ARL15: variants seen among roughly 807,000 people sequenced by gnomAD.
ARL15 encodes ARF like GTPase 15, also known as ADP-ribosylation factor-like protein 15.
In ARL15, 19 loss-of-function variants were observed where a neutral mutation model predicts 25.2. The ratio of observed to expected loss-of-function variants is 0.75; its 90% CI spans 0.53 to 1.10. The LOEUF (loss-of-function observed/expected upper bound fraction) is 1.10. Ranked by LOEUF, ARL15 falls within the 50% of genes least tolerant of loss-of-function variation. ARL15 has a pLI of 0.00. For synonymous variants in ARL15, 94 were observed against 86.8 expected (o/e 1.08, Z -0.46); for missense variants, 220 against 246.0 (o/e 0.89, Z 0.71).
At chr5:54,255,720 T>C (rs974457633) in intron 1 of ARL15, among the ~76,000 whole-genome samples, 7 of 152,198 alleles carry the variant, frequency 4.6e-5, no homozygotes, top group African/African-American at 1.7e-4. Context: ...CAAAACTTTG[T>C]TTCATGAATG....
intron 1 of ARL15, among the ~76,000 whole-genome samples, chr5:54,287,808 G>A (rs1229498855): frequency 2.0e-5 from 3 of 152,156 alleles, no homozygotes; most frequent in African/African-American, 7.2e-5. Flanking sequence ...CCACAAGCAA[G>A]ATGCCACAGC....
chr5:54,104,855 T>C (rs925620939), intron 4 of ARL15, among the ~76,000 whole-genome samples: 1 of 152,022 alleles, frequency 6.6e-6, no homozygotes, highest in Non-Finnish European at 1.5e-5. Flanking sequence ...GGAAGTTTTG[T>C]TTCTGTTTTT....
chr5:54,230,763 T>C (rs1756650515), intron 1 of ARL15, among the ~76,000 whole-genome samples: 1 of 152,190 alleles, frequency 6.6e-6, no homozygotes, highest in African/African-American at 2.4e-5. Flanking sequence ...CATCCAGCAT[T>C]TTCCCTTAGA....
intron 1 of ARL15, among the ~76,000 whole-genome samples, chr5:54,209,931 T>C (rs1755989153): frequency 6.6e-6 from 1 of 152,170 alleles, no homozygotes. Context: ...AATATAAAGA[T>C]ACACAGTGAC....
At chr5:54,268,754 A>G (rs1757696793) in intron 1 of ARL15, among the ~76,000 whole-genome samples, 1 of 152,196 alleles carries the variant, frequency 6.6e-6, no homozygotes, top group Non-Finnish European at 1.5e-5. Context: ...TCATGCTGCT[A>G]TAAAGACACA....
At chr5:54,061,012 T>C (rs1751045472) in intron 4 of ARL15, among the ~76,000 whole-genome samples, 1 of 152,204 alleles carries the variant, frequency 6.6e-6, no homozygotes, top group Non-Finnish European at 1.5e-5. Context: ...ACATAAGTAA[T>C]GAGGAGCCAA....
intron 4 of ARL15, among the ~76,000 whole-genome samples, chr5:53,997,025 A>C (rs1748700486): frequency 6.6e-6 from 1 of 152,214 alleles, no homozygotes; most frequent in Non-Finnish European, 1.5e-5. Flanking sequence ...TCGTACAGCA[A>C]GATCTCTTTC....
chr5:54,140,894 A>G (rs2112309436), intron 3 of ARL15, among the ~76,000 whole-genome samples: 1 of 152,270 alleles, frequency 6.6e-6, no homozygotes, highest in East Asian at 1.9e-4. Flanking sequence ...ATGCTAATAT[A>G]TTTTGGAAGC....
At chr5:53,952,155 C>T (rs769915023) in intron 4 of ARL15, among the ~76,000 whole-genome samples, 1 of 151,816 alleles carries the variant, frequency 6.6e-6, no homozygotes, top group Admixed American at 6.6e-5. Flanking sequence ...CCCAGCTACT[C>T]GGGAGGCTAA....
chr5:54,229,842 C>T (rs920767678), intron 1 of ARL15, among the ~76,000 whole-genome samples: 6 of 152,134 alleles, frequency 3.9e-5, no homozygotes, highest in African/African-American at 1.2e-4. Context: ...TGATCCCCAC[C>T]GGCAATCTCA....
At chr5:54,026,031 G>A (rs1749777909) in intron 4 of ARL15, among the ~76,000 whole-genome samples, 1 of 152,082 alleles carries the variant, frequency 6.6e-6, no homozygotes, top group African/African-American at 2.4e-5. Flanking sequence ...TTAGTACCAA[G>A]GTGATGACCA....
At chr5:54,117,549 A>G (rs1301653635) in intron 3 of ARL15, among the ~76,000 whole-genome samples, 1 of 152,180 alleles carries the variant, frequency 6.6e-6, no homozygotes, top group Admixed American at 6.5e-5. Context: ...CGGCAGTAAA[A>G]GTTATTATTT....
chr5:54,083,936 G>A (rs1751878602), intron 4 of ARL15, among the ~76,000 whole-genome samples: 1 of 152,150 alleles, frequency 6.6e-6, no homozygotes, highest in South Asian at 2.1e-4. Context: ...GGGGGCTGGA[G>A]AATTAATCAT....
intron 4 of ARL15, among the ~76,000 whole-genome samples, chr5:53,904,622 T>C (rs1030813567): frequency 1.3e-5 from 2 of 151,832 alleles, no homozygotes; most frequent in Admixed American, 6.6e-5. Context: ...ATGAAACAAA[T>C]ATAAAACACA....
intron 4 of ARL15, among the ~76,000 whole-genome samples, chr5:54,013,878 C>G (rs575330125): frequency 1.3e-5 from 2 of 149,368 alleles, no homozygotes; most frequent in Admixed American, 1.3e-4. Flanking sequence ...AAAGCTCTAA[C>G]CTCTGAACCT....
chr5:54,098,560 C>A (rs1006175777), intron 4 of ARL15, among the ~76,000 whole-genome samples: 1 of 152,024 alleles, frequency 6.6e-6, no homozygotes, highest in African/African-American at 2.4e-5. Flanking sequence ...AGAAAAAAAC[C>A]CTGAGCGTGG....
At chr5:53,925,939 T>C (rs1580086464) in intron 4 of ARL15, among the ~76,000 whole-genome samples, 2 of 151,712 alleles carry the variant, frequency 1.3e-5, no homozygotes, top group East Asian at 3.9e-4. Flanking sequence ...GAAACAAGGG[T>C]TGGGGTCTAC....
chr5:53,898,365 T>C (rs1744940163), intron 4 of ARL15, among the ~76,000 whole-genome samples: 1 of 152,208 alleles, frequency 6.6e-6, no homozygotes, highest in Admixed American at 6.5e-5. Flanking sequence ...CTTCTACTTT[T>C]TGGAATGGTT....
At chr5:54,071,861 T>C (rs1311302896) in intron 4 of ARL15, among the ~76,000 whole-genome samples, 1 of 151,568 alleles carries the variant, frequency 6.6e-6, no homozygotes, top group African/African-American at 2.4e-5. Context: ...TAGTCCCAGC[T>C]ACTCGGAAGG....
Sources: allele counts gnomAD v4.1 joint callset (sites outside exome capture counted in the v4.1 genomes callset), GRCh38; gene constraint gnomAD v4.1.1; transcripts MANE v1.5; gene names NCBI Gene and HGNC (gene_info 2026-07-23, HGNC 2026-07-21).